Variants in MICAL2 observed in about 807,000 individuals in gnomAD.
MICAL2 encodes [F-actin]-monooxygenase MICAL2.
A neutral mutation model predicts 127.3 loss-of-function variants in MICAL2; 77 were observed. That is an observed-to-expected ratio of 0.60 (90% CI 0.50 to 0.73). MICAL2 has a LOEUF of 0.73. MICAL2 is among the 30% of genes least tolerant of loss of function. The pLI is 0.00. For synonymous variants in MICAL2, 570 were observed against 551.1 expected, an observed-to-expected ratio of 1.03 and a Z score of -0.48; for missense variants, 1,351 against 1,434.4, an observed-to-expected ratio of 0.94 and a Z score of 0.94.
chr11:12,342,795 T>C (rs553905125), intron 32 of MICAL2, among the ~76,000 whole-genome samples: 189 of 152,296 alleles, frequency 1.2e-3, no homozygotes, highest in African/African-American at 4.3e-3. Flanking sequence ...CAAAGTCACA[T>C]GTTTGTAAGT....
At chr11:12,257,229 C>T in intron 24 of MICAL2, 1 of 404,646 alleles carries the variant, frequency 2.5e-6, no homozygotes. Context: ...GCCCAGGGCT[C>T]TATGTACCTC....
intron 8 of MICAL2, 74 bp downstream of exon 8, chr11:12,216,393 G>A: frequency 1.7e-6 from 2 of 1,174,494 alleles, no homozygotes; most frequent in Non-Finnish European, 2.5e-6. Context: ...GAAGGCAGAT[G>A]TCGTCCTGCC....
chr11:12,347,882 G>A (rs553741157), intron 32 of MICAL2, among the ~76,000 whole-genome samples: 3 of 152,160 alleles, frequency 2.0e-5, no homozygotes, highest in Non-Finnish European at 2.9e-5. Flanking sequence ...GGCCAGGCAC[G>A]GTGGCTCACA....
chr11:12,131,183 C>A (rs1229495861), intron 1 of MICAL2, among the ~76,000 whole-genome samples: 1 of 86,418 alleles, frequency 1.2e-5, no homozygotes, highest in East Asian at 3.5e-4. Flanking sequence ...GTCCCAGCTA[C>A]TCGGGAGGCT....
intron 3 of MICAL2, among the ~76,000 whole-genome samples, chr11:12,185,629 C>G (rs533768625): frequency 6.6e-6 from 1 of 152,240 alleles, no homozygotes; most frequent in South Asian, 2.1e-4. Context: ...GACCAGGTAC[C>G]TAAAGGGGAG....
chr11:12,113,862 T>G lies in MICAL2; in HGVS notation c.-149+3136T>G, dbSNP rs559875410. The stretch of plus-strand genomic sequence containing the variant: ...TGAGGGGGGGCTACAGTACTTACCC[T>G]TTCTCACCCTATATTGTAATTATTT... On this transcript the variant is annotated intron_variant, in intron 1 of 27. Coordinates refer to ENST00000683283, the MANE Select transcript of MICAL2 (RefSeq NM_001282663.2). 3.9e-5 allele frequency among the ~76,000 whole-genome samples: 6 copies of G among 152,282 alleles called. No individual in the cohort carries two copies. In the South Asian group the frequency reaches 1.0e-3, roughly 26 times the overall value.
chr11:12,242,709 A>G lies in MICAL2; in HGVS notation c.2595A>G (p.Thr865=), dbSNP rs771310334. The change falls in exon 20 of 28, where the codon ACA becomes ACG. Residue 865 remains threonine (T), a synonymous_variant. Coordinates refer to ENST00000683283, the MANE Select transcript of MICAL2 (RefSeq NM_001282663.2). ...ACTTGGCCAACAGGGAATTTCACAC[A>G]AAGAACATTAAGGAGAAGGCGGCTC... ...AQNLANREFH[T]KNIKEKAAHL... is the part of the protein sequence containing the mutation. 14 of 1,612,928 alleles carry G rather than the reference A, an allele frequency of 8.7e-6. No homozygotes were observed. In the South Asian group the frequency reaches 1.5e-4, roughly 18 times the overall value.
intron 2 of MICAL2, among the ~76,000 whole-genome samples, chr11:12,160,648 CTTTCTTGAGA>C (rs1274167014): frequency 1.5e-4 from 23 of 152,192 alleles, no homozygotes; most frequent in Admixed American, 1.5e-3. Flanking sequence ...AAAATTGAAG[CTTTCTTGAGA>C]TTTCTCTCTT....
chr11:12,268,604 A>G (rs1863633775), downstream of MICAL2, among the ~76,000 whole-genome samples: 1 of 152,196 alleles, frequency 6.6e-6, no homozygotes, highest in Admixed American at 6.5e-5. Context: ...CCCTGAGCCC[A>G]GTTATCCTGC....
At chr11:12,259,556 G>A (rs1460546918) in intron 25 of MICAL2, 2 of 427,058 alleles carry the variant, frequency 4.7e-6, no homozygotes, top group Non-Finnish European at 8.3e-6. Context: ...ATCATTAGGA[G>A]TGAGATTGCC....
intron 33 of MICAL2, among the ~76,000 whole-genome samples, chr11:12,352,447 G>A (rs935210682): frequency 6.6e-6 from 1 of 152,226 alleles, no homozygotes; most frequent in African/African-American, 2.4e-5. Context: ...CTGAGAGTCA[G>A]GGAGGCACGG....
intron 6 of MICAL2, among the ~76,000 whole-genome samples, chr11:12,210,516 A>G (rs1480825288): frequency 6.6e-6 from 1 of 152,142 alleles, no homozygotes; most frequent in Non-Finnish European, 1.5e-5. Context: ...GGACCTTCCC[A>G]TCTGCCACAT....
At chr11:12,237,443 A>G (rs1398288025) in intron 16 of MICAL2, among the ~76,000 whole-genome samples, 3 of 152,190 alleles carry the variant, frequency 2.0e-5, no homozygotes, top group African/African-American at 7.2e-5. Context: ...TACGGGTGTC[A>G]GCTCTCTAGC....
chr11:12,230,717 C>CCA (rs373602110), intron 15 of MICAL2, among the ~76,000 whole-genome samples: 5 of 151,242 alleles, frequency 3.3e-5, no homozygotes, highest in African/African-American at 9.8e-5. Flanking sequence ...TCTTCTTTCC[C>CCA]CCCCCATCTT....
chr11:12,327,248 G>A (rs1163143416), exon 32 of MICAL2: 8 of 1,550,696 alleles, frequency 5.2e-6, no homozygotes, highest in Non-Finnish European at 6.1e-6. Flanking sequence ...GCTGGAGAAG[G>A]CGTTGCGAGG....
chr11:12,355,891 T>C (rs10741582), intron 34 of MICAL2, among the ~76,000 whole-genome samples: 109,803 of 152,018 alleles, frequency 0.72, 44,149 homozygotes, highest in East Asian at 0.93. Flanking sequence ...GTGGTATAAA[T>C]CATTTTTTAT....
At chr11:12,194,673 T>C (rs1859654660) in intron 3 of MICAL2, among the ~76,000 whole-genome samples, 1 of 152,100 alleles carries the variant, frequency 6.6e-6, no homozygotes, top group Admixed American at 6.5e-5. Context: ...TGGAAGACCC[T>C]GTGTCTTTTG....
intron 2 of MICAL2, among the ~76,000 whole-genome samples, chr11:12,151,131 T>A (rs1853534917): frequency 6.6e-6 from 1 of 152,168 alleles, no homozygotes; most frequent in Non-Finnish European, 1.5e-5. Flanking sequence ...GGGGTGTTTC[T>A]GAAACCAAGG....
At chr11:12,131,939 T>A (rs182282935) in intron 1 of MICAL2, among the ~76,000 whole-genome samples, 3 of 152,328 alleles carry the variant, frequency 2.0e-5, no homozygotes, top group Non-Finnish European at 2.9e-5. Context: ...ATGGCAGCCT[T>A]TGTTATTCTT....
Sources: gnomAD v4.1 joint callset for allele counts (sites outside exome capture counted in the v4.1 genomes callset) on GRCh38, gnomAD v4.1.1 for gene constraint, MANE v1.5 for transcripts, NCBI Gene and HGNC (gene_info 2026-07-23, HGNC 2026-07-21) for gene names.